PXDNL: variants seen among roughly 807,000 people sequenced by gnomAD.
The protein encoded by PXDNL is probable oxidoreductase PXDNL.
PXDNL carries 145 observed loss-of-function variants against 150.8 expected under a neutral mutation model. The observed-to-expected ratio is 0.96, with a 90% CI of 0.84 to 1.10. The LOEUF is 1.10. Among genes scored for constraint, PXDNL ranks in the 50% least tolerant of loss-of-function variants. The pLI, the probability that PXDNL is intolerant of heterozygous loss-of-function variation, is 0.00. For synonymous variants in PXDNL, 757 were observed against 725.7 expected (o/e 1.04, Z -0.69); for missense variants, 2,087 against 1,873.9 (o/e 1.11, Z -2.10).
At chr8:51,385,301 A>G (rs2130821803) in intron 17 of PXDNL, among the ~76,000 whole-genome samples, 1 of 152,130 alleles carries the variant, frequency 6.6e-6, no homozygotes, top group East Asian at 1.9e-4. Flanking sequence ...TCCCTACATC[A>G]TAACCACAGA....
At chr8:51,608,317 A>G (rs1275582698) in intron 2 of PXDNL, among the ~76,000 whole-genome samples, 1 of 139,370 alleles carries the variant, frequency 7.2e-6, no homozygotes, top group Non-Finnish European at 1.5e-5. Context: ...TGAACCCGGG[A>G]GGCGGAGTTT....
rs149855662 is a variant in PXDNL, at chr8:51,345,972, T to C, written c.3902-25A>G. The C allele has an allele frequency of 4.0e-4, 553 of 1,379,722 alleles. 6 individuals are homozygous for C. The East Asian group carries it at 0.011, about 26-fold the overall frequency. 85.5% of individuals were successfully genotyped at this position (1,379,722 alleles called of 1,614,324 possible). A position where few individuals can be genotyped will look rare whatever the true frequency, so the allele number is the denominator to read the frequency against. Reference sequence around the variant, plus strand: ...TCTGTGGGGAAAGAAGTAACCACAATAGCATCATGTGAGATGCGATGTCAT... The same window carrying C: ...TCTGTGGGGAAAGAAGTAACCACAACAGCATCATGTGAGATGCGATGTCAT... On this transcript the variant is annotated intron_variant, in intron 19 of 22. Coordinates refer to ENST00000356297, the MANE Select transcript of PXDNL (RefSeq NM_144651.5).
chr8:51,473,826 T>C (rs953001245), intron 7 of PXDNL, among the ~76,000 whole-genome samples: 6 of 151,946 alleles, frequency 3.9e-5, no homozygotes, highest in Middle Eastern at 3.5e-3. Context: ...ATCAACCATG[T>C]TAAGAATTTT....
At chr8:51,511,485 G>T (rs940176777) in intron 4 of PXDNL, among the ~76,000 whole-genome samples, 10 of 152,182 alleles carry the variant, frequency 6.6e-5, no homozygotes, top group African/African-American at 2.4e-4. Context: ...TGGACAACTT[G>T]GTTGGTGCTG....
intron 1 of PXDNL, among the ~76,000 whole-genome samples, chr8:51,722,664 C>T (rs1024934951): frequency 6.6e-6 from 1 of 152,082 alleles, no homozygotes; most frequent in Non-Finnish European, 1.5e-5. Context: ...AATCTTGTCT[C>T]CAACTGTCCC....
At chr8:51,684,901 A>T (rs1195543659) in intron 1 of PXDNL, among the ~76,000 whole-genome samples, 1 of 152,180 alleles carries the variant, frequency 6.6e-6, no homozygotes, top group Non-Finnish European at 1.5e-5. Context: ...CGTGGCCTGC[A>T]AAGAACCCCA....
intron 1 of PXDNL, among the ~76,000 whole-genome samples, chr8:51,774,712 G>T (rs1189355468): frequency 6.6e-6 from 1 of 152,100 alleles, no homozygotes; most frequent in Non-Finnish European, 1.5e-5. Flanking sequence ...CAGCAACTTG[G>T]GAGGCTGAGG....
intron 1 of PXDNL, among the ~76,000 whole-genome samples, chr8:51,717,951 A>G (rs1259232368): frequency 6.6e-6 from 1 of 152,208 alleles, no homozygotes; most frequent in African/African-American, 2.4e-5. Context: ...AGTGAGAGTC[A>G]TGCTGAATAT....
At chr8:51,424,524 TTATA>T (rs59447579) in intron 13 of PXDNL, among the ~76,000 whole-genome samples, 4 of 150,358 alleles carry the variant, frequency 2.7e-5, no homozygotes, top group South Asian at 2.1e-4. Context: ...GATATGTGTA[TTATA>T]TATATATATA....
At chr8:51,346,424 A>G (rs537846915) in intron 19 of PXDNL, among the ~76,000 whole-genome samples, 2 of 152,324 alleles carry the variant, frequency 1.3e-5, no homozygotes, top group South Asian at 4.1e-4. Context: ...TGTGTCCTCC[A>G]AGTGGTTAAA....
chr8:51,790,103 G>A (rs1341409908), intron 1 of PXDNL, among the ~76,000 whole-genome samples: 2 of 151,874 alleles, frequency 1.3e-5, no homozygotes, highest in Non-Finnish European at 2.9e-5. Context: ...TGTTTTAAAA[G>A]GGGAAAAAAG....
rs1278706532 is a variant in PXDNL at position 51,419,976 on chromosome 8, T to C, written c.1795+3599A>G. Among the ~76,000 whole-genome samples the C allele has an allele frequency of 2.0e-5, 3 of 152,202 alleles. No homozygotes were observed. The East Asian group carries it at 5.8e-4, about 29-fold the overall frequency. Reference sequence around the variant, plus strand: ...TTAGCTCTAAAGGGAAAATGAGCTTTCTGAAAAAATTACAACTGTGGAAAT... The same window carrying C: ...TTAGCTCTAAAGGGAAAATGAGCTTCCTGAAAAAATTACAACTGTGGAAAT... On this transcript the variant is annotated intron_variant, in intron 14 of 22. Transcript: ENST00000356297.
intron 1 of PXDNL, among the ~76,000 whole-genome samples, chr8:51,792,907 G>T (rs928214071): frequency 3.9e-5 from 6 of 152,200 alleles, no homozygotes; most frequent in African/African-American, 1.4e-4. Context: ...TTACCCCTGA[G>T]GGCTCTGAGA....
intron 1 of PXDNL, among the ~76,000 whole-genome samples, chr8:51,669,111 T>C (rs1456778440): frequency 6.6e-6 from 1 of 152,242 alleles, no homozygotes; most frequent in Admixed American, 6.5e-5. Context: ...AAATGTCAAC[T>C]TATTTTCTTT....
rs375499759 is a variant in PXDNL, at chr8:51,351,289, G to A, written c.3902-5342C>T. Among the ~76,000 whole-genome samples, 6 of 152,230 alleles carry A rather than the reference G, an allele frequency of 3.9e-5. No individual in the cohort carries two copies. In the East Asian group the frequency reaches 5.8e-4, roughly 15 times the overall value. On this transcript the variant is annotated intron_variant, in intron 19 of 22. Transcript: ENST00000356297. ...AAATAGGGTTGTTGCAGAGTAATTC[G>A]TTAAGAGACCACACTGGAGTAGATG...
Position 51,532,997 on chromosome 8 carries a change from GA to G in PXDNL, c.380+23842del, listed in dbSNP as rs35198762. ...GAATCAAGTAGGAAAAAAAGGAAAA[GA>G]AAAAAAAGTGTGGCCTCCTGACAGC... On this transcript the variant is annotated intron_variant, in intron 4 of 22. Transcript: ENST00000356297. 1.1e-4 allele frequency among the ~76,000 whole-genome samples: 17 copies of G among 151,590 alleles called. No homozygotes were observed. The East Asian group carries it at 1.7e-3, about 16-fold the overall frequency.
Position 51,453,606 on chromosome 8 carries a change from T to C in PXDNL, c.1162A>G (p.Ile388Val), listed in dbSNP as rs372142944. 2.5e-6 allele frequency: 4 copies of C among 1,613,934 alleles called. No individual in the cohort carries two copies. The highest frequency in any genetic ancestry group is 3.4e-6 in the Non-Finnish European group (4 of 1,179,890). The change falls in exon 10 of 23, where the codon ATC becomes GTC. Residue 388 changes from isoleucine to valine, a missense_variant. Physicochemically the swap from Ile to Val is conservative, Grantham distance 29. Coordinates refer to ENST00000356297, the MANE Select transcript of PXDNL (RefSeq NM_144651.5). Reference sequence around the variant, plus strand: ...AATCGACCATGATCCCGTTGTGTGATGTTCTGTAAGTAAAGTCCACTGGAC... The same window carrying C: ...AATCGACCATGATCCCGTTGTGTGACGTTCTGTAAGTAAAGTCCACTGGAC... ...ATSSGLYLQNITQRDHGRFTC... is the reference protein window; with the variant it reads ...ATSSGLYLQNVTQRDHGRFTC...
rs903145853 is a variant in PXDNL, at chr8:51,448,913, T to G, written c.1366+89A>C. The G allele has an allele frequency of 1.4e-5, 10 of 740,570 alleles. 1 individual carries two copies. In the African/African-American group the frequency reaches 1.7e-4, roughly 13 times the overall value. 45.9% of individuals were successfully genotyped at this position (740,570 alleles called of 1,614,324 possible). ...AATTTTTTCATGTCCATGATACACC[T>G]TCGATAATTAATTTAAACTATTTTT... On this transcript the variant is annotated intron_variant, in intron 11 of 22. Coordinates refer to ENST00000356297, the MANE Select transcript of PXDNL (RefSeq NM_144651.5).
chr8:51,450,715 G>A (rs911005306), intron 10 of PXDNL, among the ~76,000 whole-genome samples: 1 of 152,114 alleles, frequency 6.6e-6, no homozygotes, highest in South Asian at 2.1e-4. Flanking sequence ...AGGAATGCCT[G>A]CAAGCTATTT....
Sources: allele counts gnomAD v4.1 joint callset (sites outside exome capture counted in the v4.1 genomes callset), GRCh38; gene constraint gnomAD v4.1.1; transcripts MANE v1.5; gene names NCBI Gene and HGNC (gene_info 2026-07-23, HGNC 2026-07-21).